The following KIFBP variants were observed in gnomAD, a reference collection of about 807,000 sequenced individuals.
KIFBP encodes the protein KIF-binding protein.
A neutral mutation model predicts 58.9 loss-of-function variants in KIFBP; 46 were observed. The observed-to-expected ratio is 0.78, with a 90% confidence interval of 0.62 to 1.00. KIFBP has a LOEUF of 1.00. Ranked by LOEUF, KIFBP falls within the 50% of genes least tolerant of loss-of-function variation. The pLI is 0.00. For missense variants in KIFBP, 651 were observed against 752.9 expected, an observed-to-expected ratio of 0.86 and a Z score of 1.58; for synonymous variants, 241 against 283.4, an observed-to-expected ratio of 0.85 and a Z score of 1.50.
In KIFBP at chr10:68,989,263, G is replaced by A. The variant is rs1843314827; in HGVS notation, c.426+5G>A. On this transcript the variant is annotated splice_donor_5th_base_variant and intron_variant, in intron 1 of 6. Coordinates refer to ENST00000361983, the MANE Select transcript of KIFBP (RefSeq NM_015634.4). ...TCTCTCTGCATCCAGGCGCAGGTGA[G>A]AGCGAGCCCGGCCAGGCCGGCCCCT... is the stretch of plus-strand genomic sequence containing the variant. 1.2e-6 allele frequency: 2 copies of A among 1,612,352 alleles called. No individual in the cohort carries two copies. Among genetic ancestry groups the A allele is most frequent in the Non-Finnish European group, 8.5e-7 (1 of 1,179,754 alleles).
intron 2 of KIFBP, 35 bp downstream of exon 2, chr10:69,000,557 T>C: frequency 8.0e-7 from 1 of 1,251,418 alleles, no homozygotes; most frequent in Non-Finnish European, 1.2e-6. Context: ...TAAGTTTTGA[T>C]TGAAACTAGT....
intron 2 of KIFBP, among the ~76,000 whole-genome samples, chr10:69,003,819 G>A (rs1433722007): frequency 6.6e-6 from 1 of 152,060 alleles, no homozygotes; most frequent in Non-Finnish European, 1.5e-5. Flanking sequence ...TTTATTAGTG[G>A]TCAGTTTAGA....
At chr10:68,994,402 G>A in intron 1 of KIFBP, among the ~76,000 whole-genome samples, 1 of 152,190 alleles carries the variant, frequency 6.6e-6, no homozygotes, top group South Asian at 2.1e-4. Flanking sequence ...TTAATCTGGT[G>A]TATTCTCCTT....
At chr10:69,005,449 G>A (rs1459057642) in intron 3 of KIFBP, among the ~76,000 whole-genome samples, 10 of 151,976 alleles carry the variant, frequency 6.6e-5, no homozygotes, top group African/African-American at 1.9e-4. Context: ...AGGCTGAGGC[G>A]GGTGGATCAC....
chr10:69,000,294 GA>G (rs908732734), intron 1 of KIFBP, 129 bp from the exon 2 acceptor site: 34 of 697,398 alleles, frequency 4.9e-5, no homozygotes, highest in Non-Finnish European at 7.3e-5. Flanking sequence ...ATATCATTGT[GA>G]ATAATTAATT....
chr10:69,000,061 A>AT (rs1367106195), intron 1 of KIFBP, among the ~76,000 whole-genome samples: 2 of 151,900 alleles, frequency 1.3e-5, no homozygotes, highest in Non-Finnish European at 2.9e-5. Flanking sequence ...AAAAAAAAAA[A>AT]AAAAGCAGGC....
chr10:69,005,954 A>G, intron 4 of KIFBP, 39 bp downstream of exon 4: 1 of 1,556,688 alleles, frequency 6.4e-7, no homozygotes, highest in Non-Finnish European at 8.8e-7. Context: ...GAGTACCAAT[A>G]GTGAGTATAA....
chr10:69,008,788 T>C, intron 4 of KIFBP, 53 bp from the exon 5 acceptor site: 3 of 1,322,758 alleles, frequency 2.3e-6, no homozygotes, highest in Non-Finnish European at 3.3e-6. Context: ...AAGTATCAGT[T>C]GCAAATAAAG....
Position 68,989,133 on chromosome 10 carries a change from C to T in KIFBP, c.301C>T (p.Leu101Phe), listed in dbSNP as rs1339934594. 1.7e-5 allele frequency: 27 copies of T among 1,612,036 alleles called. No individual in the cohort carries two copies. Among genetic ancestry groups the T allele is most frequent in the Non-Finnish European group, 2.3e-5 (27 of 1,178,674 alleles). ...GAGGCTGGCAGTCATCGAGTTCCAC[C>T]TCGGGGTGAACCACATCGACACGGA... ...AVRLAVIEFH[L>F]GVNHIDTEEL... Residue 101 changes from leucine to phenylalanine, a missense_variant, in exon 1 of 7, where the codon CTC becomes TTC. Coordinates refer to ENST00000361983, the MANE Select transcript of KIFBP (RefSeq NM_015634.4).
chr10:68,999,141 A>G (rs1214479179), intron 1 of KIFBP, among the ~76,000 whole-genome samples: 2 of 151,440 alleles, frequency 1.3e-5, no homozygotes, highest in Non-Finnish European at 2.9e-5. Context: ...TCCATCACCC[A>G]GGTAGGAGTG....
intron 4 of KIFBP, chr10:69,007,663 C>T (rs1843549531): frequency 6.6e-6 from 1 of 152,168 alleles, no homozygotes; most frequent in African/African-American, 2.4e-5. Context: ...TCCAGCTATT[C>T]TCAAGATGGC....
intron 1 of KIFBP, among the ~76,000 whole-genome samples, chr10:68,997,424 G>A (rs1843418127): frequency 6.6e-6 from 1 of 152,132 alleles, no homozygotes; most frequent in African/African-American, 2.4e-5. Flanking sequence ...GTTTGAAAGT[G>A]TATAGCACTT....
At chr10:69,013,048 G>C (rs1407052896) in intron 6 of KIFBP, among the ~76,000 whole-genome samples, 1 of 151,966 alleles carries the variant, frequency 6.6e-6, no homozygotes, top group East Asian at 1.9e-4. Flanking sequence ...GAGAGAGAGA[G>C]AGGGCAAAGG....
chr10:69,015,629 A>T lies in KIFBP; in HGVS notation c.1079A>T (p.Lys360Ile). The T allele has an allele frequency of 6.2e-7, 1 of 1,613,998 alleles. No individual in the cohort carries two copies. The highest frequency in any genetic ancestry group is 8.5e-7 in the Non-Finnish European group (1 of 1,179,964). Residue 360 changes from lysine to isoleucine, a missense_variant, in exon 7 of 7, where the codon AAA (lysine) becomes ATA (isoleucine). Physicochemically the swap from Lys to Ile is moderately radical, Grantham distance 102. Coordinates refer to ENST00000361983, the MANE Select transcript of KIFBP (RefSeq NM_015634.4). ...CTAGATGAGGAGGAAAGCATTCGGAAAAAAGCTGTGCAGTTTGGAACCGGT... is the reference window on the plus strand; with the variant it reads ...CTAGATGAGGAGGAAAGCATTCGGATAAAAGCTGTGCAGTTTGGAACCGGT... ...KELDEEESIR[K>I]KAVQFGTGEL...
rs1299670294 is a variant in KIFBP at position 69,016,681 on chromosome 10, C to A, written c.*265C>A. 4.8e-6 allele frequency: 2 copies of A among 418,934 alleles called. No individual in the cohort carries two copies. Among genetic ancestry groups the A allele is most frequent in the Admixed American group, 3.8e-5 (1 of 26,242 alleles). 26.0% of individuals were successfully genotyped at this position (418,934 alleles called of 1,614,324 possible). On this transcript the variant is annotated 3_prime_UTR_variant, in exon 7 of 7. Coordinates refer to ENST00000361983, the MANE Select transcript of KIFBP (RefSeq NM_015634.4). ...CCTATTAAAATACAGACATTTCTACCCTCAGTTTCTAAATGTAGACTATTT... is the reference window on the plus strand; with the variant it reads ...CCTATTAAAATACAGACATTTCTACACTCAGTTTCTAAATGTAGACTATTT...
intron 1 of KIFBP, among the ~76,000 whole-genome samples, chr10:68,998,622 A>T (rs550548848): frequency 1.3e-5 from 2 of 151,696 alleles, no homozygotes; most frequent in African/African-American, 4.8e-5. Flanking sequence ...TCTGCATTAA[A>T]AACTTCCTTC....
Position 69,016,330 on chromosome 10 carries a change from G to A in KIFBP, c.1780G>A (p.Glu594Lys). Residue 594 changes from glutamate (E) to lysine (K), a missense_variant, in exon 7 of 7, where the codon GAA (glutamate) becomes AAA (lysine). Transcript: ENST00000361983. The stretch of plus-strand genomic sequence containing the variant: ...GCATCCTGAGGCCGCCCAGGAAATA[G>A]AAGTTGAGCTAGAACTTAGTAAAGA... The part of the protein sequence containing the change: ...EKHPEAAQEI[E>K]VELELSKEMV... 6.2e-7 allele frequency: 1 copy of A among 1,611,002 alleles called. No individual in the cohort carries two copies.
chr10:69,009,926 T>C (rs1843573976), intron 5 of KIFBP, among the ~76,000 whole-genome samples: 1 of 152,142 alleles, frequency 6.6e-6, no homozygotes, highest in East Asian at 1.9e-4. Flanking sequence ...ATCTGAAAAA[T>C]GCAGAGACTC....
At chr10:68,998,771 A>ATTTT (rs869186033) in intron 1 of KIFBP, among the ~76,000 whole-genome samples, 12 of 99,858 alleles carry the variant, frequency 1.2e-4, no homozygotes, top group East Asian at 3.9e-4. Flanking sequence ...ATATATATAT[A>ATTTT]TTTTTTTTTT....
Sources: gnomAD v4.1 joint callset for allele counts (sites outside exome capture counted in the v4.1 genomes callset) on GRCh38, gnomAD v4.1.1 for gene constraint, MANE v1.5 for transcripts, NCBI Gene and HGNC (gene_info 2026-07-23, HGNC 2026-07-21) for gene names.